NDST3: variants seen among roughly 807,000 people sequenced by gnomAD.
NDST3 encodes the protein bifunctional heparan sulfate N-deacetylase/N-sulfotransferase 3.
A neutral mutation model predicts 96.1 loss-of-function variants in NDST3; 58 were observed. That is an observed-to-expected ratio of 0.60 (90% CI 0.49 to 0.75). The LOEUF (loss-of-function observed/expected upper bound fraction) is 0.75, where lower values mean the gene tolerates loss of function less well. Ranked by LOEUF, NDST3 falls within the 30% of genes least tolerant of loss-of-function variation. The pLI, the probability that NDST3 is intolerant of heterozygous loss-of-function variation, is 0.00. For missense variants in NDST3, 788 were observed against 1,034.2 expected, an observed-to-expected ratio of 0.76 and a Z score of 3.27; for synonymous variants, 333 against 359.7, an observed-to-expected ratio of 0.93 and a Z score of 0.84.
intron 12 of NDST3, among the ~76,000 whole-genome samples, chr4:118,249,464 T>C (rs1741516339): frequency 6.6e-6 from 1 of 152,222 alleles, no homozygotes; most frequent in Admixed American, 6.5e-5. Flanking sequence ...AATGATCTCT[T>C]TGTAATTCTG....
chr4:118,091,218 A>G (rs1433362535), intron 2 of NDST3, among the ~76,000 whole-genome samples: 2 of 151,716 alleles, frequency 1.3e-5, no homozygotes, highest in Non-Finnish European at 2.9e-5. Context: ...TGATGAAATA[A>G]TTTGTACCCC....
intron 2 of NDST3, among the ~76,000 whole-genome samples, chr4:118,056,143 CTTCCATTTTTT>C (rs1325608703): frequency 6.6e-6 from 1 of 151,816 alleles, no homozygotes; most frequent in East Asian, 1.9e-4. Context: ...ATATATAATT[CTTCCATTTTTT>C]TTCCATTTCA....
chr4:118,060,919 A>G (rs1035635256), intron 2 of NDST3, among the ~76,000 whole-genome samples: 1 of 152,038 alleles, frequency 6.6e-6, no homozygotes, highest in Non-Finnish European at 1.5e-5. Context: ...TGTTTTTACT[A>G]CCATCAAAGT....
chr4:118,102,571 CT>C (rs1436194823), intron 2 of NDST3, among the ~76,000 whole-genome samples: 4 of 152,060 alleles, frequency 2.6e-5, no homozygotes. Flanking sequence ...GAGTAGACTA[CT>C]TCAGTTTAAA....
At chr4:118,229,768 A>G (rs1740148464) in intron 8 of NDST3, among the ~76,000 whole-genome samples, 1 of 152,156 alleles carries the variant, frequency 6.6e-6, no homozygotes, top group Non-Finnish European at 1.5e-5. Context: ...GGCAATACTT[A>G]TTTCCAAAAA....
chr4:118,125,063 C>G (rs186310451), intron 4 of NDST3, among the ~76,000 whole-genome samples: 12 of 152,078 alleles, frequency 7.9e-5, no homozygotes, highest in African/African-American at 2.6e-4. Context: ...ACTCAATTTC[C>G]AACTCCTCTC....
chr4:118,147,338 G>C (rs1734022611), intron 6 of NDST3, among the ~76,000 whole-genome samples: 1 of 152,136 alleles, frequency 6.6e-6, no homozygotes, highest in African/African-American at 2.4e-5. Context: ...CCATGGGAGA[G>C]AGCCACTGGA....
intron 4 of NDST3, among the ~76,000 whole-genome samples, chr4:118,124,508 C>T (rs1188233001): frequency 6.6e-6 from 1 of 152,016 alleles, no homozygotes; most frequent in African/African-American, 2.4e-5. Flanking sequence ...GGTGAATTTG[C>T]ATAACCTGCT....
At chr4:118,123,175 T>C (rs946592049) in intron 4 of NDST3, among the ~76,000 whole-genome samples, 10 of 152,336 alleles carry the variant, frequency 6.6e-5, no homozygotes, top group African/African-American at 2.2e-4. Flanking sequence ...ATCTCAGTGC[T>C]GCAAGCATTA....
intron 6 of NDST3, among the ~76,000 whole-genome samples, chr4:118,183,921 G>A (rs140497206): frequency 1.3e-5 from 2 of 152,310 alleles, no homozygotes; most frequent in Non-Finnish European, 2.9e-5. Context: ...AGAAATCTTG[G>A]CTGTAGCCTG....
Position 118,143,509 on chromosome 4 carries a change from A to G in NDST3, c.1411-47A>G, listed in dbSNP as rs201448015. 2.5e-6 allele frequency: 4 copies of G among 1,576,748 alleles called. No homozygotes were observed. In the East Asian group the frequency reaches 9.0e-5, roughly 36 times the overall value. ...CAAAAAGCTAAGTTTCAACAAATTG[A>G]TTGGAAAAAAAAAAGCTTTTCCTTA... On this transcript the variant is annotated intron_variant, in intron 5 of 13. Transcript: ENST00000296499.
At chr4:118,160,845 C>T (rs1291139858) in intron 6 of NDST3, among the ~76,000 whole-genome samples, 2 of 152,016 alleles carry the variant, frequency 1.3e-5, no homozygotes, top group East Asian at 1.9e-4. Context: ...GTAGTTTGAT[C>T]GTCTGAAGCC....
rs1194220637 is a variant in NDST3 at position 118,204,237 on chromosome 4, T to TG, written c.1540-20249dup. ...ACCTCGCTTGGTCACTTGATGCTCCTGGGGGTCACTGAAAGCTCTAATTCG... is the reference window on the plus strand; with the variant it reads ...ACCTCGCTTGGTCACTTGATGCTCCTGGGGGGTCACTGAAAGCTCTAATTCG... On this transcript the variant is annotated intron_variant, in intron 6 of 13. Coordinates refer to ENST00000296499, the MANE Select transcript of NDST3 (RefSeq NM_004784.3). 9.2e-5 allele frequency among the ~76,000 whole-genome samples: 14 copies of TG among 152,068 alleles called. No homozygotes were observed. In the East Asian group the frequency reaches 9.7e-4, roughly 11 times the overall value.
At position 118,054,451 on chromosome 4, in the gene NDST3, C is replaced by T. The variant is rs267599995; in HGVS notation, c.541C>T (p.Pro181Ser). 3.7e-6 allele frequency: 6 copies of T among 1,612,888 alleles called. No homozygotes were observed. Among genetic ancestry groups the T allele is most frequent in the Non-Finnish European group, 4.2e-6 (5 of 1,179,350 alleles). The change falls in exon 2 of 14, where the codon CCT becomes TCT. Residue 181 changes from proline to serine, a missense_variant. Physicochemically the swap from Pro to Ser is moderately conservative, Grantham distance 74 (BLOSUM62 -1). Around this residue, in one of 3 missense-constraint regions of NDST3, gnomAD observed 234 missense variants for 256.9 expected, o/e 0.91. Transcript: ENST00000296499. ...SVQSFQLKGFPFSIYGNLAVK... is the reference protein window; with the variant it reads ...SVQSFQLKGFSFSIYGNLAVK... ...ACAGAGCTTTCAGTTAAAAGGTTTC[C>T]CTTTTTCCATATATGGAAATCTTGC...
At chr4:118,070,200 G>T (rs897352130) in intron 2 of NDST3, among the ~76,000 whole-genome samples, 13 of 152,050 alleles carry the variant, frequency 8.5e-5, no homozygotes, top group Non-Finnish European at 1.5e-4. Context: ...CATTGCTAAG[G>T]TCTCGACCAG....
chr4:118,166,150 T>C (rs1039175240), intron 6 of NDST3, among the ~76,000 whole-genome samples: 2 of 151,624 alleles, frequency 1.3e-5, no homozygotes, highest in Admixed American at 1.3e-4. Flanking sequence ...ATTAACATCA[T>C]TGGCAAACCT....
At chr4:118,249,631 A>G (rs908388051) in intron 12 of NDST3, among the ~76,000 whole-genome samples, 4 of 152,116 alleles carry the variant, frequency 2.6e-5, no homozygotes, top group African/African-American at 7.2e-5. Flanking sequence ...TCTCTAATAC[A>G]CAAAGTCATA....
At chr4:118,179,929 T>C (rs560784134) in intron 6 of NDST3, among the ~76,000 whole-genome samples, 1 of 152,026 alleles carries the variant, frequency 6.6e-6, no homozygotes, top group South Asian at 2.1e-4. Context: ...ACAGCTCTAC[T>C]TTACTACAAG....
At chr4:118,225,985 T>C (rs115188891) in intron 7 of NDST3, among the ~76,000 whole-genome samples, 3,037 of 152,064 alleles carry the variant, frequency 0.02, 42 homozygotes, top group South Asian at 0.033. Context: ...AGTTTTAAAC[T>C]GTTTTTTTGT....
Sources: allele counts gnomAD v4.1 joint callset (sites outside exome capture counted in the v4.1 genomes callset), GRCh38; gene constraint gnomAD v4.1.1; regional missense constraint gnomAD v4.1.1; transcripts MANE v1.5; gene names NCBI Gene and HGNC (gene_info 2026-07-23, HGNC 2026-07-21).